Variants in PSD3 observed in about 807,000 individuals in gnomAD.
PSD3 encodes the protein PH and SEC7 domain-containing protein 3.
Under a neutral mutation model 105.5 loss-of-function variants are expected in PSD3, and 49 were observed. That is an observed-to-expected ratio of 0.46 (90% CI 0.37 to 0.59). The LOEUF is 0.59. PSD3 is among the 20% of genes least tolerant of loss of function. PSD3 has a pLI of 0.00. For synonymous variants in PSD3, 557 were observed against 457.8 expected (o/e 1.22, Z -2.77); for missense variants, 1,561 against 1,263.8 (o/e 1.24, Z -3.57).
intron 10 of PSD3, among the ~76,000 whole-genome samples, chr8:18,641,920 G>C (rs1222453845): frequency 6.6e-6 from 1 of 152,102 alleles, no homozygotes; most frequent in Admixed American, 6.6e-5. Context: ...AAAAAAGAAA[G>C]CATGTAGTTA....
chr8:18,796,555 G>C (rs1481511916), intron 8 of PSD3, among the ~76,000 whole-genome samples: 1 of 152,190 alleles, frequency 6.6e-6, no homozygotes, highest in African/African-American at 2.4e-5. Context: ...TTATTAGTAA[G>C]GAAATTAGCA....
chr8:18,787,659 C>G (rs1294878649), intron 8 of PSD3, among the ~76,000 whole-genome samples: 1 of 152,138 alleles, frequency 6.6e-6, no homozygotes, highest in Non-Finnish European at 1.5e-5. Context: ...CAATTTAAGG[C>G]TACTCTCTGC....
intron 1 of PSD3, among the ~76,000 whole-genome samples, chr8:19,041,924 G>A (rs566885828): frequency 3.3e-5 from 5 of 152,142 alleles, no homozygotes; most frequent in East Asian, 1.9e-4. Flanking sequence ...GAGACAAGAC[G>A]AAAGACACAA....
intron 4 of PSD3, among the ~76,000 whole-genome samples, chr8:18,806,218 T>C (rs1236175065): frequency 6.6e-6 from 1 of 152,210 alleles, no homozygotes. Flanking sequence ...TTGGTGCCGC[T>C]GCCTTAAGTT....
Position 18,968,091 on chromosome 8 carries a change from G to A in PSD3, c.22-31949C>T, listed in dbSNP as rs74806136. Among the ~76,000 whole-genome samples, 635 of 152,258 alleles carry A rather than the reference G, an allele frequency of 4.2e-3. 3 individuals carry two copies. The highest frequency in any genetic ancestry group is 0.014 in the African/African-American group (594 of 41,548). ...CACGGTGGCTCCAGATTTATAAACA[G>A]AAATTTATGTCCACATTTCTATAGT... On this transcript the variant is annotated intron_variant, in intron 1 of 15. Coordinates refer to ENST00000327040, the MANE Select transcript of PSD3 (RefSeq NM_015310.4).
chr8:18,803,780 G>A (rs1810947948), intron 6 of PSD3, among the ~76,000 whole-genome samples: 1 of 150,146 alleles, frequency 6.7e-6, no homozygotes, highest in African/African-American at 2.5e-5. Context: ...GGAAAGGAGG[G>A]GAAGGAAAAA....
intron 1 of PSD3, among the ~76,000 whole-genome samples, chr8:19,028,939 C>A (rs1827662145): frequency 6.6e-6 from 1 of 152,134 alleles, no homozygotes; most frequent in South Asian, 2.1e-4. Context: ...AAAAGATTAT[C>A]CTTTTGCATT....
upstream of PSD3, chr8:19,084,762 G>T (rs1360451740): frequency 1.4e-5 from 4 of 293,608 alleles, no homozygotes; most frequent in African/African-American, 2.2e-5. Context: ...CAAAGGAGGG[G>T]CAGCTGAGCC....
intron 1 of PSD3, among the ~76,000 whole-genome samples, chr8:19,040,160 A>C (rs1828073399): frequency 6.6e-6 from 1 of 152,206 alleles, no homozygotes; most frequent in Non-Finnish European, 1.5e-5. Context: ...CCAGGACCCT[A>C]GGCCTCAGAG....
chr8:18,935,288 TAAAC>T (rs1170093891), intron 2 of PSD3, among the ~76,000 whole-genome samples: 3 of 152,186 alleles, frequency 2.0e-5, no homozygotes, highest in Admixed American at 2.0e-4. Context: ...GTATTAAAAA[TAAAC>T]AAGAGCTACA....
Position 18,930,591 on chromosome 8 carries a change from G to C in PSD3, c.130+5443C>G, listed in dbSNP as rs537619696. Reference sequence around the variant, plus strand: ...TCAATTTTTTTTTTTTTTTTTTTGAGATGGAGTCTCGCTCTGTTGCCAGGC... The same window carrying C: ...TCAATTTTTTTTTTTTTTTTTTTGACATGGAGTCTCGCTCTGTTGCCAGGC... On this transcript the variant is annotated intron_variant, in intron 2 of 15. Transcript: ENST00000327040. Among the ~76,000 whole-genome samples the C allele has an allele frequency of 5.9e-4, 81 of 137,274 alleles. 1 individual carries two copies. The highest frequency in any genetic ancestry group is 4.1e-3 in the Middle Eastern group (1 of 244). The allele number at this position is 137,274 out of a possible 152,430, so 90.1% of individuals were successfully genotyped here.
chr8:18,644,137 T>C (rs11996974), intron 10 of PSD3, among the ~76,000 whole-genome samples: 11,822 of 152,300 alleles, frequency 0.078, 616 homozygotes, highest in African/African-American at 0.15. Context: ...CCCATTGTCT[T>C]GATCTCTTGT....
intron 1 of PSD3, among the ~76,000 whole-genome samples, chr8:18,938,627 CAAA>C (rs35017140): frequency 1.2e-4 from 13 of 109,448 alleles, no homozygotes; most frequent in Non-Finnish European, 1.2e-4. Context: ...CCGTCTCAAA[CAAA>C]AAAAAAAAAA....
intron 11 of PSD3, among the ~76,000 whole-genome samples, chr8:18,629,459 C>T (rs1466219986): frequency 6.6e-6 from 1 of 151,956 alleles, no homozygotes; most frequent in Non-Finnish European, 1.5e-5. Context: ...AACCAGAATG[C>T]TCAGCTGGTG....
intron 3 of PSD3, among the ~76,000 whole-genome samples, chr8:18,869,020 A>G (rs191777809): frequency 5.9e-5 from 9 of 152,178 alleles, no homozygotes; most frequent in Middle Eastern, 3.4e-3. Flanking sequence ...TATTACTGGA[A>G]TCCACATTCA....
At chr8:18,540,387 T>C (rs562856406) in intron 15 of PSD3, among the ~76,000 whole-genome samples, 1 of 152,308 alleles carries the variant, frequency 6.6e-6, no homozygotes, top group Non-Finnish European at 1.5e-5. Context: ...ACCTGCAGTA[T>C]CTCAGGTATG....
chr8:18,739,703 T>A (rs1353484432), intron 9 of PSD3, among the ~76,000 whole-genome samples: 1 of 152,176 alleles, frequency 6.6e-6, no homozygotes, highest in Non-Finnish European at 1.5e-5. Flanking sequence ...ATTGTATATA[T>A]TTGAGGATAC....
chr8:18,702,300 T>G (rs931731891), intron 9 of PSD3, among the ~76,000 whole-genome samples: 1 of 152,218 alleles, frequency 6.6e-6, no homozygotes, highest in Admixed American at 6.5e-5. Context: ...GAGGAAATTT[T>G]TTGGTGTGTG....
chr8:18,848,129 G>A (rs996165182), intron 4 of PSD3, among the ~76,000 whole-genome samples: 10 of 110,186 alleles, frequency 9.1e-5, no homozygotes, highest in African/African-American at 3.3e-4. Context: ...GCTTTCGAGA[G>A]TTAAAAAAAA....
Sources: allele counts gnomAD v4.1 joint callset (sites outside exome capture counted in the v4.1 genomes callset), GRCh38; gene constraint gnomAD v4.1.1; transcripts MANE v1.5; gene names NCBI Gene and HGNC (gene_info 2026-07-23, HGNC 2026-07-21).